Variants in TMPRSS12 observed in about 807,000 individuals in gnomAD.
TMPRSS12 encodes the protein transmembrane protease serine 12.
A neutral mutation model predicts 26.0 loss-of-function variants in TMPRSS12; 25 were observed. That is an observed-to-expected ratio of 0.96 (90% CI 0.70 to 1.34). TMPRSS12 has a LOEUF of 1.34. Among genes scored for constraint, TMPRSS12 ranks in the 40% most tolerant of loss-of-function variants. TMPRSS12 has a pLI of 0.00. For synonymous variants in TMPRSS12, 150 were observed against 161.7 expected (o/e 0.93, Z 0.55); for missense variants, 441 against 440.1 (o/e 1.00, Z -0.02).
rs547073222 is a variant in TMPRSS12 at position 50,886,774 on chromosome 12, T to G, written c.796-488T>G. 2.8e-3 allele frequency: 429 copies of G among 155,160 alleles called. 3 individuals are homozygous for G. The highest frequency in any genetic ancestry group is 3.6e-3 in the Non-Finnish European group (254 of 70,164). The allele number at this position is 155,160 out of a possible 1,614,324, so 9.6% of individuals were successfully genotyped here. On this transcript the variant is annotated intron_variant, in intron 4 of 4. Coordinates refer to ENST00000398458, the MANE Select transcript of TMPRSS12 (RefSeq NM_182559.3). ...TTCCTGCACTAGCTATTGTCAACAC[T>G]TAGAAACTTGTCTTCTATTGCAAGA...
At chr12:50,869,320 T>C (rs1468504219) in intron 3 of TMPRSS12, among the ~76,000 whole-genome samples, 1 of 152,066 alleles carries the variant, frequency 6.6e-6, no homozygotes, top group Non-Finnish European at 1.5e-5. Context: ...CAGGAGATAT[T>C]ACAACTGACA....
chr12:50,851,980 T>C (rs1937830345), intron 2 of TMPRSS12, among the ~76,000 whole-genome samples: 1 of 152,148 alleles, frequency 6.6e-6, no homozygotes, highest in Non-Finnish European at 1.5e-5. Flanking sequence ...AATAATATCC[T>C]TTTCAGACAA....
intron 3 of TMPRSS12, among the ~76,000 whole-genome samples, chr12:50,877,754 C>T (rs1938126034): frequency 6.6e-6 from 1 of 152,152 alleles, no homozygotes; most frequent in Admixed American, 6.5e-5. Context: ...GGATTACAGG[C>T]ATGCGCCGCC....
At chr12:50,849,538 C>T (rs1312513130) in intron 2 of TMPRSS12, among the ~76,000 whole-genome samples, 2 of 151,654 alleles carry the variant, frequency 1.3e-5, no homozygotes, top group Non-Finnish European at 2.9e-5. Context: ...GTAGCCAACC[C>T]CTGCCCCTGC....
At chr12:50,877,799 G>T (rs542184934) in intron 3 of TMPRSS12, among the ~76,000 whole-genome samples, 1 of 152,050 alleles carries the variant, frequency 6.6e-6, no homozygotes, top group Non-Finnish European at 1.5e-5. Context: ...TAGTAGAGAC[G>T]GGGTTTCACT....
chr12:50,867,946 G>A (rs1420277398), intron 3 of TMPRSS12, among the ~76,000 whole-genome samples: 1 of 152,086 alleles, frequency 6.6e-6, no homozygotes, highest in Non-Finnish European at 1.5e-5. Context: ...CCACTAACAA[G>A]CCACCACTAC....
At chr12:50,886,910 T>C in intron 4 of TMPRSS12, 1 of 195,438 alleles carries the variant, frequency 5.1e-6, no homozygotes. Context: ...GAGAATATTC[T>C]AATAATAGAC....
At chr12:50,869,270 C>T (rs1096031) in intron 3 of TMPRSS12, among the ~76,000 whole-genome samples, 105,112 of 151,832 alleles carry the variant, frequency 0.69, 36,443 homozygotes, top group African/African-American at 0.7. Flanking sequence ...AACCAAGAAA[C>T]GAAGAAAGAA....
chr12:50,872,498 C>T lies in TMPRSS12; in HGVS notation c.653-12748C>T, dbSNP rs538542049. Among the ~76,000 whole-genome samples, 343 of 105,366 alleles carry T rather than the reference C, an allele frequency of 3.3e-3. 4 individuals carry two copies. The highest frequency in any genetic ancestry group is 4.3e-3 in the Non-Finnish European group (249 of 58,308). 69.1% of individuals were successfully genotyped at this position (105,366 alleles called of 152,430 possible). A position where few individuals can be genotyped will look rare whatever the true frequency, so the allele number is the denominator to read the frequency against. ...ACTGCAGTCCGCAGTCTGGCCTGGG[C>T]GACAGAGCGAGACTCCGTCTCAAAA... On this transcript the variant is annotated intron_variant, in intron 3 of 4. Coordinates refer to ENST00000398458, the MANE Select transcript of TMPRSS12 (RefSeq NM_182559.3).
intron 4 of TMPRSS12, chr12:50,886,963 C>T (rs1938233702): frequency 1.1e-5 from 3 of 278,610 alleles, no homozygotes; most frequent in Admixed American, 4.9e-5. Context: ...TATATTTCTC[C>T]TAAGTAATTA....
chr12:50,879,451 A>C (rs1022603398), intron 3 of TMPRSS12, among the ~76,000 whole-genome samples: 7 of 152,228 alleles, frequency 4.6e-5, no homozygotes, highest in Non-Finnish European at 7.4e-5. Context: ...CAGGAATGTA[A>C]ATGCTAATTT....
intron 1 of TMPRSS12, 114 bp downstream of exon 1, chr12:50,843,265 T>A: frequency 9.0e-7 from 1 of 1,110,812 alleles, no homozygotes; most frequent in Non-Finnish European, 1.2e-6. Flanking sequence ...TTAACCAAAA[T>A]TTTACATACC....
chr12:50,869,516 C>T (rs1938022462), intron 3 of TMPRSS12, among the ~76,000 whole-genome samples: 2 of 152,052 alleles, frequency 1.3e-5, no homozygotes, highest in Admixed American at 1.3e-4. Context: ...TTAAAAATTA[C>T]CAACCATAAA....
chr12:50,851,162 C>T (rs1439056150), intron 2 of TMPRSS12, among the ~76,000 whole-genome samples: 4 of 152,146 alleles, frequency 2.6e-5, no homozygotes, highest in Non-Finnish European at 5.9e-5. Flanking sequence ...CTTCTTATCT[C>T]CAAATGACTA....
In TMPRSS12 at chr12:50,850,861, C is replaced by T. The variant is rs766012014; in HGVS notation, c.383+6824C>T. Among the ~76,000 whole-genome samples the T allele has an allele frequency of 5.2e-4, 79 of 152,092 alleles. 1 individual carries two copies. Among genetic ancestry groups the T allele is most frequent in the Non-Finnish European group, 1.0e-3 (69 of 68,024 alleles). Reference sequence around the variant, plus strand: ...CAGGTCTTCCAGTGCAGCAGATGCCCGACCATGAGAGGCCAGAGTACAAAG... The same window carrying T: ...CAGGTCTTCCAGTGCAGCAGATGCCTGACCATGAGAGGCCAGAGTACAAAG... On this transcript the variant is annotated intron_variant, in intron 2 of 4. Coordinates refer to ENST00000398458, the MANE Select transcript of TMPRSS12 (RefSeq NM_182559.3).
chr12:50,849,232 A>G (rs1337250320), intron 2 of TMPRSS12, among the ~76,000 whole-genome samples: 1 of 152,180 alleles, frequency 6.6e-6, no homozygotes, highest in Admixed American at 6.5e-5. Flanking sequence ...GAACTGAGAA[A>G]GAATATGTTG....
At chr12:50,885,715 A>G (rs541976724) in intron 4 of TMPRSS12, 11 of 548,576 alleles carry the variant, frequency 2.0e-5, no homozygotes, top group Non-Finnish European at 3.2e-5. Flanking sequence ...GAGTGCAGTG[A>G]CACAATCTCT....
chr12:50,860,556 C>T (rs1937924879), intron 3 of TMPRSS12, among the ~76,000 whole-genome samples: 4 of 152,148 alleles, frequency 2.6e-5, no homozygotes, highest in South Asian at 2.1e-4. Context: ...GCTGGGACTA[C>T]AGGCATGTGC....
At chr12:50,885,520 T>A (rs756761385) in intron 4 of TMPRSS12, 132 bp downstream of exon 4, 2 of 1,135,274 alleles carry the variant, frequency 1.8e-6, no homozygotes, top group East Asian at 2.4e-5. Context: ...TTCTCCTTTT[T>A]AACTATTTCA....
Sources: gnomAD v4.1 joint callset for allele counts (sites outside exome capture counted in the v4.1 genomes callset) on GRCh38, gnomAD v4.1.1 for gene constraint, MANE v1.5 for transcripts, NCBI Gene and HGNC (gene_info 2026-07-23, HGNC 2026-07-21) for gene names.